The following SEC24D variants were observed in gnomAD, a reference collection of about 807,000 sequenced individuals.
The protein encoded by SEC24D is SEC24 homolog D, COPII component.
Under a neutral mutation model 116.9 loss-of-function variants are expected in SEC24D, and 69 were observed. The ratio of observed to expected loss-of-function variants is 0.59; its 90% confidence interval spans 0.49 to 0.72. The LOEUF is 0.72. SEC24D is among the 30% of genes least tolerant of loss of function. The pLI, the probability that SEC24D is intolerant of heterozygous loss-of-function variation, is 0.00. For synonymous variants in SEC24D, 405 were observed against 442.8 expected (o/e 0.91, Z 1.07); for missense variants, 1,131 against 1,264.1 (o/e 0.89, Z 1.60).
At chr4:118,734,057 T>G (rs1251389885) in intron 19 of SEC24D, among the ~76,000 whole-genome samples, 1 of 151,148 alleles carries the variant, frequency 6.6e-6, no homozygotes, top group African/African-American at 2.4e-5. Context: ...TAATCAAGTT[T>G]GACTGATCTG....
chr4:118,731,581 CT>C, intron 20 of SEC24D, 74 bp from the exon 21 acceptor site: 1 of 1,303,498 alleles, frequency 7.7e-7, no homozygotes, highest in Non-Finnish European at 1.1e-6. Flanking sequence ...TTTTCCTTTC[CT>C]TTTTCCTCCC....
chr4:118,755,746 A>T (rs1292425992), intron 11 of SEC24D, among the ~76,000 whole-genome samples: 1 of 152,196 alleles, frequency 6.6e-6, no homozygotes, highest in Non-Finnish European at 1.5e-5. Flanking sequence ...TACCTTAAAA[A>T]AAATAAAGTT....
rs1464502994 is a variant in SEC24D, at chr4:118,833,597, GCGA to G, written c.97_99del (p.Ser33del). ...ACTGTACCTGTTGGAGATGCTGTGT[GCGA>G]CGGATCCCCATAGTGCCCATAATGA... is the stretch of plus-strand genomic sequence containing the variant. On this transcript the variant is annotated inframe_deletion, in exon 2 of 23. Transcript: ENST00000280551. The G allele has an allele frequency of 5.0e-6, 8 of 1,612,360 alleles. No individual in the cohort carries two copies. The South Asian group carries it at 8.8e-5, about 18-fold the overall frequency.
chr4:118,742,316 C>A (rs1726261299), intron 15 of SEC24D, among the ~76,000 whole-genome samples: 2 of 151,956 alleles, frequency 1.3e-5, no homozygotes, highest in Admixed American at 1.3e-4. Context: ...TAGCAAGAAC[C>A]CCAGCACAAT....
chr4:118,775,217 A>T (rs1728074980), intron 8 of SEC24D, among the ~76,000 whole-genome samples: 1 of 152,114 alleles, frequency 6.6e-6, no homozygotes, highest in South Asian at 2.1e-4. Flanking sequence ...TGTTTACTGT[A>T]GTATCTCCTG....
In SEC24D at chr4:118,764,894, G is replaced by C; in HGVS notation, c.1204C>G (p.Leu402Val). Residue 402 changes from leucine (L) to valine (V), a missense_variant, in exon 10 of 23, where the codon CTG (leucine) becomes GTG (valine). Coordinates refer to ENST00000280551, the MANE Select transcript of SEC24D (RefSeq NM_014822.4). ...TCCAGTCTTCTTCCAATGTGGTCCA[G>C]ATGTTGGAAATAGAATGGTGGAACT... Reference protein sequence around the residue: ...NDVPPFYFQHLDHIGRRLDHY... With the variant: ...NDVPPFYFQHVDHIGRRLDHY... 6.2e-7 allele frequency: 1 copy of C among 1,604,948 alleles called. No homozygotes were observed. Among genetic ancestry groups the C allele is most frequent in the Non-Finnish European group, 8.5e-7 (1 of 1,172,146 alleles).
At chr4:118,755,525 A>G (rs1727050551) in intron 11 of SEC24D, among the ~76,000 whole-genome samples, 1 of 152,072 alleles carries the variant, frequency 6.6e-6, no homozygotes, top group Non-Finnish European at 1.5e-5. Flanking sequence ...TGAAACATTC[A>G]AATCTTTTCT....
rs952668159 is a variant in SEC24D at position 118,803,145 on chromosome 4, A to AT, written c.913+2697dup. On this transcript the variant is annotated intron_variant, in intron 7 of 22. Coordinates refer to ENST00000280551, the MANE Select transcript of SEC24D (RefSeq NM_014822.4). The stretch of plus-strand genomic sequence containing the variant: ...GGGTACAGAGTTTCAGTGTGGGATG[A>AT]TTTTTTTTACAGTTCTAGAAACAGG... 4.6e-5 allele frequency among the ~76,000 whole-genome samples: 7 copies of AT among 152,026 alleles called. No homozygotes were observed. In the East Asian group the frequency reaches 7.7e-4, roughly 17 times the overall value.
At chr4:118,832,418 T>C (rs2110545296) in intron 2 of SEC24D, among the ~76,000 whole-genome samples, 2 of 152,150 alleles carry the variant, frequency 1.3e-5, no homozygotes, top group South Asian at 4.2e-4. Flanking sequence ...TGGCAAACTA[T>C]GGAGTGTAAA....
chr4:118,835,084 T>C (rs115878132), intron 1 of SEC24D, among the ~76,000 whole-genome samples: 1 of 152,136 alleles, frequency 6.6e-6, no homozygotes, highest in Non-Finnish European at 1.5e-5. Context: ...AACCCCTTTT[T>C]CCTCCTCCCA....
intron 3 of SEC24D, among the ~76,000 whole-genome samples, chr4:118,822,499 A>G (rs1730439581): frequency 6.6e-6 from 1 of 152,128 alleles, no homozygotes; most frequent in African/African-American, 2.4e-5. Flanking sequence ...ATTCTTCTAA[A>G]CTTGAAACCA....
At chr4:118,744,190 TA>T in intron 14 of SEC24D, 32 bp from the exon 15 acceptor site, 1 of 1,486,708 alleles carries the variant, frequency 6.7e-7, no homozygotes, top group Non-Finnish European at 9.0e-7. Flanking sequence ...AAAGAAAAAA[TA>T]AAAATTACAA....
chr4:118,767,921 A>G (rs1727716169), intron 9 of SEC24D, among the ~76,000 whole-genome samples: 2 of 152,206 alleles, frequency 1.3e-5, no homozygotes, highest in African/African-American at 4.8e-5. Context: ...AAGAAATAAA[A>G]TTTTTCCCCC....
chr4:118,768,619 T>C (rs1304428175), intron 8 of SEC24D, among the ~76,000 whole-genome samples: 2 of 152,208 alleles, frequency 1.3e-5, no homozygotes, highest in Non-Finnish European at 2.9e-5. Flanking sequence ...GGTCTCGAAC[T>C]CCTGACTGCA....
Position 118,768,910 on chromosome 4 carries a change from T to C in SEC24D, c.1042-599A>G, listed in dbSNP as rs144616305. On this transcript the variant is annotated intron_variant, in intron 8 of 22. Transcript: ENST00000280551. ...AATATGTGTGTGGAGAGAGAACATA[T>C]AGTGATGGTAATAATACCTACTTAT... Among the ~76,000 whole-genome samples the C allele has an allele frequency of 1.5e-3, 222 of 152,348 alleles. 1 individual carries two copies. Among genetic ancestry groups the C allele is most frequent in the African/African-American group, 5.0e-3 (207 of 41,588 alleles).
At chr4:118,819,079 A>C (rs1170682240) in intron 3 of SEC24D, among the ~76,000 whole-genome samples, 3 of 152,246 alleles carry the variant, frequency 2.0e-5, no homozygotes, top group Non-Finnish European at 4.4e-5. Flanking sequence ...CACAAGCACA[A>C]AAAATATAAT....
At chr4:118,733,691 C>T (rs1560607660) in intron 19 of SEC24D, among the ~76,000 whole-genome samples, 2 of 152,322 alleles carry the variant, frequency 1.3e-5, no homozygotes, top group East Asian at 3.9e-4. Flanking sequence ...TTAGATGTGT[C>T]ATTAATGAAT....
At chr4:118,807,641 G>T (rs1313706885) in intron 6 of SEC24D, among the ~76,000 whole-genome samples, 3 of 152,060 alleles carry the variant, frequency 2.0e-5, no homozygotes, top group African/African-American at 7.2e-5. Flanking sequence ...ATTGCCTTCT[G>T]CCAAACTCTG....
At chr4:118,787,867 G>C (rs1450913792) in intron 8 of SEC24D, among the ~76,000 whole-genome samples, 1 of 152,174 alleles carries the variant, frequency 6.6e-6, no homozygotes, top group Admixed American at 6.5e-5. Flanking sequence ...CACCAGGATA[G>C]AGTGACACTA....
Sources: gnomAD v4.1 joint callset for allele counts (sites outside exome capture counted in the v4.1 genomes callset) on GRCh38, gnomAD v4.1.1 for gene constraint, MANE v1.5 for transcripts, NCBI Gene and HGNC (gene_info 2026-07-23, HGNC 2026-07-21) for gene names.